ADGRL4: variants seen among roughly 807,000 people sequenced by gnomAD.
ADGRL4 encodes EGF, latrophilin and seven transmembrane domain containing 1.
A neutral mutation model predicts 74.8 loss-of-function variants in ADGRL4; 90 were observed. That is an observed-to-expected ratio of 1.20 (90% CI 1.02 to 1.43). ADGRL4 has a LOEUF of 1.43. ADGRL4 is among the 40% of genes most tolerant of loss of function. ADGRL4 has a pLI of 0.00. For synonymous variants in ADGRL4, 311 were observed against 279.2 expected (o/e 1.11, Z -1.14); for missense variants, 881 against 814.3 (o/e 1.08, Z -1.00).
intron 13 of ADGRL4, 66 bp from the exon 14 acceptor site, chr1:78,891,758 T>G: frequency 7.1e-7 from 1 of 1,407,134 alleles, no homozygotes; most frequent in East Asian, 2.4e-5. Flanking sequence ...CCCAAATTAC[T>G]CAAATTATGT....
Position 78,938,250 on chromosome 1 carries a change from C to A in ADGRL4, c.426G>T (p.Leu142Phe). ...CAGAATTTCTATAGACTTCTTGTAG[C>A]AAAGCCACAGGTTCTTTTATGGATC... ...KIRSIKEPVA[L>F]LQEVYRNSVT... The change falls in exon 5 of 15, where the codon TTG becomes TTT. Residue 142 changes from leucine (L) to phenylalanine (F), a missense_variant. Physicochemically the swap from Leu to Phe is conservative, Grantham distance 22 (BLOSUM62 0). Transcript: ENST00000370742. 1 of 1,604,404 alleles carries A rather than the reference C, an allele frequency of 6.2e-7. No homozygotes were observed.
At chr1:78,996,204 C>A (rs1249235001) in intron 2 of ADGRL4, among the ~76,000 whole-genome samples, 1 of 152,152 alleles carries the variant, frequency 6.6e-6, no homozygotes, top group Non-Finnish European at 1.5e-5. Flanking sequence ...ACTTGCCTTT[C>A]TGGCTGCATG....
At chr1:78,934,829 A>C (rs1344137872) in intron 7 of ADGRL4, among the ~76,000 whole-genome samples, 1 of 152,236 alleles carries the variant, frequency 6.6e-6, no homozygotes, top group Non-Finnish European at 1.5e-5. Context: ...ATCACTAGAG[A>C]AATGCAAATC....
intron 12 of ADGRL4, among the ~76,000 whole-genome samples, chr1:78,897,121 CT>C (rs1173297190): frequency 6.6e-6 from 1 of 152,114 alleles, no homozygotes; most frequent in Non-Finnish European, 1.5e-5. Flanking sequence ...GTATTCTTTA[CT>C]GTTTTGTACA....
At chr1:79,005,725 T>A (rs1650948919) in intron 1 of ADGRL4, among the ~76,000 whole-genome samples, 1 of 152,248 alleles carries the variant, frequency 6.6e-6, no homozygotes, top group South Asian at 2.1e-4. Flanking sequence ...TGTTTTTTTC[T>A]GTGTTCTAAT....
At chr1:78,897,312 C>T (rs1648418837) in intron 12 of ADGRL4, among the ~76,000 whole-genome samples, 1 of 152,124 alleles carries the variant, frequency 6.6e-6, no homozygotes, top group Admixed American at 6.6e-5. Context: ...TCTGATAAGT[C>T]AGTTTAGAGA....
chr1:78,979,591 ACG>A (rs1415968023), intron 2 of ADGRL4, among the ~76,000 whole-genome samples: 3 of 151,940 alleles, frequency 2.0e-5, no homozygotes, highest in Non-Finnish European at 2.9e-5. Context: ...AAAAAGACAC[ACG>A]CACACACATG....
intron 2 of ADGRL4, among the ~76,000 whole-genome samples, chr1:78,968,576 G>T (rs1461107216): frequency 1.3e-5 from 2 of 151,738 alleles, no homozygotes; most frequent in Non-Finnish European, 2.9e-5. Context: ...CAAGACCTTT[G>T]TCATTTAATC....
At chr1:78,975,649 G>T (rs1315706446) in intron 2 of ADGRL4, among the ~76,000 whole-genome samples, 4 of 151,774 alleles carry the variant, frequency 2.6e-5, no homozygotes. Context: ...TTATATATAA[G>T]CTTTTAAACT....
At chr1:78,958,266 T>C (rs1311716168) in intron 2 of ADGRL4, among the ~76,000 whole-genome samples, 1 of 152,186 alleles carries the variant, frequency 6.6e-6, no homozygotes, top group Non-Finnish European at 1.5e-5. Flanking sequence ...GAATAATTTT[T>C]ACTTTTAAGT....
At chr1:78,979,060 G>A (rs17102552) in intron 2 of ADGRL4, among the ~76,000 whole-genome samples, 45,408 of 151,682 alleles carry the variant, frequency 0.3, 7,244 homozygotes, top group South Asian at 0.42. Context: ...ATATCACAGC[G>A]TTTTCTAGAT....
chr1:78,959,579 CA>C (rs1165559527), intron 2 of ADGRL4, among the ~76,000 whole-genome samples: 1 of 152,166 alleles, frequency 6.6e-6, no homozygotes, highest in African/African-American at 2.4e-5. Flanking sequence ...GGCAAAATGT[CA>C]GAACATTGCA....
chr1:78,990,616 T>A (rs80101797), intron 2 of ADGRL4, among the ~76,000 whole-genome samples: 16,688 of 151,958 alleles, frequency 0.11, 1,135 homozygotes, highest in East Asian at 0.22. Context: ...AAAATTTTTT[T>A]AATATATTTG....
rs755696827 is a variant in ADGRL4 at position 78,946,255 on chromosome 1, C to T, written c.325+19G>A. Reference sequence around the variant, plus strand: ...AATAAGAGATATATACAAATTCTAACTTAGATAACCGAACTTACCTATACA... The same window carrying T: ...AATAAGAGATATATACAAATTCTAATTTAGATAACCGAACTTACCTATACA... On this transcript the variant is annotated intron_variant, in intron 3 of 14. Transcript: ENST00000370742. The T allele has an allele frequency of 5.1e-6, 8 of 1,583,628 alleles. No individual in the cohort carries two copies. In the South Asian group the frequency reaches 9.3e-5, roughly 18 times the overall value.
At chr1:78,937,200 T>C (rs1396754317) in intron 6 of ADGRL4, among the ~76,000 whole-genome samples, 2 of 152,170 alleles carry the variant, frequency 1.3e-5, no homozygotes, top group African/African-American at 4.8e-5. Context: ...ATCCCAGCAC[T>C]TTAGGAGACC....
intron 2 of ADGRL4, among the ~76,000 whole-genome samples, chr1:78,948,961 A>G (rs1649668069): frequency 1.3e-5 from 2 of 152,156 alleles, no homozygotes; most frequent in Admixed American, 6.5e-5. Flanking sequence ...ACAGAAGCAT[A>G]TAATTGAGTT....
intron 7 of ADGRL4, among the ~76,000 whole-genome samples, chr1:78,930,635 G>C (rs1291787184): frequency 2.0e-5 from 3 of 150,924 alleles, no homozygotes; most frequent in East Asian, 3.9e-4. Context: ...ATTTTTAGTA[G>C]AGATGGGGTT....
chr1:78,914,964 A>G (rs1290486426), intron 12 of ADGRL4, among the ~76,000 whole-genome samples: 1 of 151,874 alleles, frequency 6.6e-6, no homozygotes, highest in Non-Finnish European at 1.5e-5. Flanking sequence ...TGCATAATTT[A>G]CTTGGTGATC....
chr1:78,906,340 T>C (rs1320492396), intron 12 of ADGRL4, among the ~76,000 whole-genome samples: 1 of 152,034 alleles, frequency 6.6e-6, no homozygotes, highest in Non-Finnish European at 1.5e-5. Context: ...CCATTAGGAA[T>C]ATTTTAATAG....
Sources: allele counts gnomAD v4.1 joint callset (sites outside exome capture counted in the v4.1 genomes callset), GRCh38; gene constraint gnomAD v4.1.1; transcripts MANE v1.5; gene names NCBI Gene and HGNC (gene_info 2026-07-23, HGNC 2026-07-21).